CACNA2D3: variants seen among roughly 807,000 people sequenced by gnomAD.
CACNA2D3 encodes voltage-dependent calcium channel subunit alpha-2/delta-3.
CACNA2D3 carries 60 observed loss-of-function variants against 160.6 expected under a neutral mutation model. That is an observed-to-expected ratio of 0.37 (90% CI 0.30 to 0.46). The LOEUF (loss-of-function observed/expected upper bound fraction) is 0.46. Ranked by LOEUF, CACNA2D3 falls within the 20% of genes least tolerant of loss-of-function variation. The probability of loss-of-function intolerance (pLI) is 1.00; values close to 1 mark genes in which losing one functional copy is unlikely to be tolerated. For synonymous variants in CACNA2D3, 558 were observed against 492.9 expected, an observed-to-expected ratio of 1.13 and a Z score of -1.75; for missense variants, 1,205 against 1,365.0, an observed-to-expected ratio of 0.88 and a Z score of 1.85.
At chr3:54,470,260 G>C (rs1044009678) in intron 4 of CACNA2D3, among the ~76,000 whole-genome samples, 3 of 152,216 alleles carry the variant, frequency 2.0e-5, no homozygotes, top group African/African-American at 7.2e-5. Flanking sequence ...AGCCAGAAGA[G>C]AGTGGGGGCC....
chr3:55,014,822 C>T (rs369521150), intron 34 of CACNA2D3, among the ~76,000 whole-genome samples: 53 of 152,262 alleles, frequency 3.5e-4, no homozygotes, highest in African/African-American at 1.2e-3. Flanking sequence ...ATAGTAGCAA[C>T]TGCACATATA....
In CACNA2D3 at chr3:54,891,388, C is replaced by G. The variant is rs370732556; in HGVS notation, c.2184C>G (p.Leu728=). ...NSDKGVEVAF[L]GTRTGLSRIN... is the part of the protein sequence containing the mutation. ...ACAAGGGCGTGGAGGTTGCCTTCCT[C>G]GGCACTCGCACGGGCCTCTCCAGAA... Residue 728 remains leucine, a synonymous_variant, in exon 25 of 38, where the codon CTC becomes CTG. Transcript: ENST00000474759. 4 of 1,613,902 alleles carry G rather than the reference C, an allele frequency of 2.5e-6. No individual in the cohort carries two copies. In the South Asian group the frequency reaches 4.4e-5, roughly 18 times the overall value.
Position 54,646,164 on chromosome 3 carries a change from C to A in CACNA2D3, c.1167+3923C>A, listed in dbSNP as rs1268156685. Among the ~76,000 whole-genome samples the A allele has an allele frequency of 8.9e-5, 2 of 22,348 alleles. 1 individual carries two copies. The highest frequency in any genetic ancestry group is 2.0e-4 in the Non-Finnish European group (2 of 9,794). The allele number at this position is 22,348 out of a possible 152,430, so 14.7% of individuals were successfully genotyped here. On this transcript the variant is annotated intron_variant, in intron 11 of 37. Transcript: ENST00000474759. ...CTTCCTTCCTTCCCTCCCTCCCTCC[C>A]TCCCTCCCTCCCTCCCTCCCTCCTT...
At chr3:54,235,966 A>T (rs1701865967) in intron 2 of CACNA2D3, among the ~76,000 whole-genome samples, 1 of 152,208 alleles carries the variant, frequency 6.6e-6, no homozygotes, top group South Asian at 2.1e-4. Flanking sequence ...CAGAGTTAAC[A>T]TTTATAGTGA....
At chr3:54,232,526 A>G (rs148610197) in intron 2 of CACNA2D3, among the ~76,000 whole-genome samples, 90 of 152,316 alleles carry the variant, frequency 5.9e-4, no homozygotes, top group African/African-American at 2.0e-3. Context: ...AAACGTTACA[A>G]GCGGTGACTT....
intron 8 of CACNA2D3, 118 bp downstream of exon 8, chr3:54,570,222 C>T: frequency 9.6e-7 from 1 of 1,037,528 alleles, no homozygotes; most frequent in Non-Finnish European, 1.4e-6. Context: ...AACATGAGGC[C>T]TGGTTAGTCT....
intron 31 of CACNA2D3, among the ~76,000 whole-genome samples, chr3:54,990,284 A>C (rs1014750571): frequency 6.6e-6 from 1 of 152,182 alleles, no homozygotes; most frequent in African/African-American, 2.4e-5. Context: ...TAATCCCAGC[A>C]CTTTGGGAGG....
chr3:55,065,502 T>C (rs745858870), intron 35 of CACNA2D3, among the ~76,000 whole-genome samples: 31 of 152,168 alleles, frequency 2.0e-4, no homozygotes, highest in African/African-American at 6.8e-4. Context: ...AGGTATTTCC[T>C]TCCAACAGAC....
rs559087817 is a variant in CACNA2D3, at chr3:54,514,868, A to G, written c.544+11214A>G. Among the ~76,000 whole-genome samples the G allele has an allele frequency of 1.1e-4, 17 of 152,322 alleles. No individual in the cohort carries two copies. In the South Asian group the frequency reaches 2.1e-3, roughly 19 times the overall value. Reference sequence around the variant, plus strand: ...TCACAGAATGTTTTGGGTTGAAATAAGGGAGGGTGATGCCTTGGAGAATCT... The same window carrying G: ...TCACAGAATGTTTTGGGTTGAAATAGGGGAGGGTGATGCCTTGGAGAATCT... On this transcript the variant is annotated intron_variant, in intron 5 of 37. Transcript: ENST00000474759.
intron 11 of CACNA2D3, among the ~76,000 whole-genome samples, chr3:54,706,454 G>A (rs1258939365): frequency 1.6e-4 from 24 of 152,200 alleles, no homozygotes; most frequent in Admixed American, 1.6e-3. Flanking sequence ...ACATCCTTTA[G>A]AATGCAAGTG....
intron 21 of CACNA2D3, among the ~76,000 whole-genome samples, chr3:54,884,825 A>G (rs535818039): frequency 2.6e-5 from 4 of 152,230 alleles, no homozygotes; most frequent in Non-Finnish European, 4.4e-5. Flanking sequence ...CCACACATCA[A>G]TTAGGGACTA....
intron 2 of CACNA2D3, among the ~76,000 whole-genome samples, chr3:54,171,644 A>G (rs888125943): frequency 2.6e-5 from 4 of 152,200 alleles, no homozygotes; most frequent in Non-Finnish European, 4.4e-5. Context: ...AAACTGTTCA[A>G]GCTACCAGCC....
chr3:54,147,537 TTGGCTCCAAA>T (rs1342653728), intron 2 of CACNA2D3, among the ~76,000 whole-genome samples: 2 of 152,222 alleles, frequency 1.3e-5, no homozygotes, highest in Admixed American at 1.3e-4. Context: ...ATGACAGACT[TTGGCTCCAAA>T]TGGCCTGGGC....
At chr3:54,878,726 G>T (rs1053090475) in intron 18 of CACNA2D3, 3 of 264,834 alleles carry the variant, frequency 1.1e-5, no homozygotes, top group East Asian at 1.4e-4. Context: ...ATTTCAGCGG[G>T]TCTCCAGGAG....
At chr3:54,445,555 T>TACAC (rs3028897) in intron 4 of CACNA2D3, among the ~76,000 whole-genome samples, 17,997 of 147,060 alleles carry the variant, frequency 0.12, 1,204 homozygotes, top group East Asian at 0.22. Context: ...TTTCTATGTA[T>TACAC]ACACACACAC....
chr3:54,335,944 C>T (rs940187803), intron 3 of CACNA2D3, among the ~76,000 whole-genome samples: 5 of 135,472 alleles, frequency 3.7e-5, no homozygotes, highest in Admixed American at 8.7e-5. Context: ...GCGGAGTTTG[C>T]AGTGAGCTGA....
At chr3:54,156,254 A>C (rs1324870196) in intron 2 of CACNA2D3, among the ~76,000 whole-genome samples, 1 of 152,220 alleles carries the variant, frequency 6.6e-6, no homozygotes, top group Admixed American at 6.5e-5. Flanking sequence ...AGGGTGTGCT[A>C]TCAAGCCAGT....
chr3:54,774,308 A>T (rs772603996), intron 13 of CACNA2D3, among the ~76,000 whole-genome samples: 1 of 152,196 alleles, frequency 6.6e-6, no homozygotes, highest in Non-Finnish European at 1.5e-5. Context: ...CTATGTAGGA[A>T]GCATGGCTGA....
At chr3:54,704,929 G>A (rs1700831483) in intron 11 of CACNA2D3, among the ~76,000 whole-genome samples, 2 of 152,116 alleles carry the variant, frequency 1.3e-5, no homozygotes, top group African/African-American at 4.8e-5. Context: ...GTAGAGAGTG[G>A]AGAGTGCATT....
Sources: allele counts gnomAD v4.1 joint callset (sites outside exome capture counted in the v4.1 genomes callset), GRCh38; gene constraint gnomAD v4.1.1; transcripts MANE v1.5; gene names NCBI Gene and HGNC (gene_info 2026-07-23, HGNC 2026-07-21).